Variants in PCDHGA7 observed in about 807,000 individuals in gnomAD.
PCDHGA7 encodes protocadherin gamma-A7.
A neutral mutation model predicts 58.3 loss-of-function variants in PCDHGA7; 44 were observed. The ratio of observed to expected loss-of-function variants is 0.75; its 90% CI spans 0.59 to 0.97. The LOEUF (loss-of-function observed/expected upper bound fraction) is 0.97. Ranked by LOEUF, PCDHGA7 falls within the 50% of genes least tolerant of loss-of-function variation. The pLI, the probability that PCDHGA7 is intolerant of heterozygous loss-of-function variation, is 0.00. For synonymous variants in PCDHGA7, 516 were observed against 504.2 expected (o/e 1.02, Z -0.31); for missense variants, 1,266 against 1,188.7 (o/e 1.06, Z -0.96).
At chr5:141,433,604 G>A (rs2097631609) in intron 1 of PCDHGA7, among the ~76,000 whole-genome samples, 1 of 152,138 alleles carries the variant, frequency 6.6e-6, no homozygotes, top group Non-Finnish European at 1.5e-5. Flanking sequence ...GGGAGGCCGA[G>A]GCGGGTGGAT....
chr5:141,466,552 G>C lies in PCDHGA7; in HGVS notation c.2425-28255G>C, dbSNP rs913019489. On this transcript the variant is annotated intron_variant, in intron 1 of 3. Coordinates refer to ENST00000518325, the MANE Select transcript of PCDHGA7 (RefSeq NM_018920.4). ...ATTGATGTAGATGGTCTTTTGCTGTGGGCTTCATCTTCAACATTGTCTCAT... is the reference window on the plus strand; with the variant it reads ...ATTGATGTAGATGGTCTTTTGCTGTCGGCTTCATCTTCAACATTGTCTCAT... 2.6e-5 allele frequency among the ~76,000 whole-genome samples: 4 copies of C among 152,144 alleles called. No homozygotes were observed. The South Asian group carries it at 8.3e-4, about 32-fold the overall frequency.
At chr5:141,424,928 T>C (rs2096848391) in intron 1 of PCDHGA7, among the ~76,000 whole-genome samples, 1 of 152,204 alleles carries the variant, frequency 6.6e-6, no homozygotes, top group South Asian at 2.1e-4. Flanking sequence ...ATCAATTCAG[T>C]CAACACTCTC....
At chr5:141,421,535 G>GT (rs975619932) in intron 1 of PCDHGA7, 8 of 1,614,032 alleles carry the variant, frequency 5.0e-6, no homozygotes, top group Non-Finnish European at 6.8e-6. Flanking sequence ...GTGTCCTCCT[G>GT]TTTTTTAAAT....
chr5:141,410,835 T>C (rs1360836957), intron 1 of PCDHGA7: 2 of 490,228 alleles, frequency 4.1e-6, no homozygotes, highest in Admixed American at 4.0e-5. Context: ...AGACTGAAGA[T>C]ATTTTGTCTT....
chr5:141,419,742 T>G (rs1388509503), intron 1 of PCDHGA7: 3 of 1,613,742 alleles, frequency 1.9e-6, no homozygotes, highest in Non-Finnish European at 2.5e-6. Flanking sequence ...GAGGTGCGCA[T>G]GGTGCGTGCT....
In PCDHGA7 at chr5:141,423,840, A is replaced by G. The variant is rs189449471; in HGVS notation, c.2424+38517A>G. ...CTTTGCCTTTCATGAGATTACGATA[A>G]TCTTTCAGAACGTTTTTGTGAAAGT... On this transcript the variant is annotated intron_variant, in intron 1 of 3. Coordinates refer to ENST00000518325, the MANE Select transcript of PCDHGA7 (RefSeq NM_018920.4). 1,637 of 1,279,840 alleles carry G rather than the reference A, an allele frequency of 1.3e-3. 3 individuals carry two copies. The highest frequency in any genetic ancestry group is 1.5e-3 in the Non-Finnish European group (1,519 of 1,009,392). 79.3% of individuals were successfully genotyped at this position (1,279,840 alleles called of 1,614,324 possible).
At position 141,432,871 on chromosome 5, in the gene PCDHGA7, C is replaced by T. The variant is rs1190891661; in HGVS notation, c.2424+47548C>T. On this transcript the variant is annotated intron_variant, in intron 1 of 3. Transcript: ENST00000518325. This position sits in a 1 kb window ranked among gnomAD's most constrained non-coding sequence, Gnocchi z 6.0. ...CGGTGGCCGCGGTCTCCTGCGTCTT[C>T]CTGGCCTTCGTCATCTTGCTGCTGG... 1 of 1,614,216 alleles carries T rather than the reference C, an allele frequency of 6.2e-7. No homozygotes were observed. Among genetic ancestry groups the T allele is most frequent in the Non-Finnish European group, 8.5e-7 (1 of 1,180,018 alleles).
intron 1 of PCDHGA7, among the ~76,000 whole-genome samples, chr5:141,455,803 A>C (rs1197986124): frequency 2.6e-5 from 4 of 152,068 alleles, no homozygotes; most frequent in Non-Finnish European, 4.4e-5. Flanking sequence ...TGCTTTAAAA[A>C]ATGAAAACTT....
intron 1 of PCDHGA7, among the ~76,000 whole-genome samples, chr5:141,443,772 C>T (rs1284723564): frequency 6.6e-6 from 1 of 151,568 alleles, no homozygotes; most frequent in Non-Finnish European, 1.5e-5. Context: ...TACAATATTA[C>T]CAAAAAGACA....
At chr5:141,425,805 C>T (rs1419480761) in intron 1 of PCDHGA7, among the ~76,000 whole-genome samples, 1 of 152,158 alleles carries the variant, frequency 6.6e-6, no homozygotes, top group African/African-American at 2.4e-5. Context: ...TGCATTGCTT[C>T]TGCTTAGAAA....
Position 141,392,773 on chromosome 5 carries a change from G to A in PCDHGA7, c.2424+7450G>A, listed in dbSNP as rs767754110. Reference sequence around the variant, plus strand: ...AAGAAACTAAATAAGACCCATTTATGCACAGTGAAGATTCTGAGAGGATTC... The same window carrying A: ...AAGAAACTAAATAAGACCCATTTATACACAGTGAAGATTCTGAGAGGATTC... On this transcript the variant is annotated intron_variant, in intron 1 of 3. Transcript: ENST00000518325. 4 of 1,518,312 alleles carry A rather than the reference G, an allele frequency of 2.6e-6. No homozygotes were observed. In the African/African-American group the frequency reaches 5.6e-5, roughly 21 times the overall value. The allele number at this position is 1,518,312 out of a possible 1,614,324, so 94.1% of individuals were successfully genotyped here.
chr5:141,484,866 C>A (rs1474623432), intron 1 of PCDHGA7: 9 of 275,500 alleles, frequency 3.3e-5, no homozygotes, highest in Non-Finnish European at 5.5e-5. Context: ...GGTGGGGGAG[C>A]GTGGAGGATA....
chr5:141,441,764 C>A, intron 1 of PCDHGA7: 1 of 384,482 alleles, frequency 2.6e-6, no homozygotes, highest in South Asian at 2.1e-5. Flanking sequence ...TGAGCCTGCG[C>A]GTGTTGGTGG....
At chr5:141,395,077 A>C (rs2093162583) in intron 1 of PCDHGA7, 1 of 1,614,024 alleles carries the variant, frequency 6.2e-7, no homozygotes, top group South Asian at 1.1e-5. Context: ...ACCTATTCCC[A>C]GGAAGTCTCC....
At chr5:141,413,855 C>G (rs2095686270) in intron 1 of PCDHGA7, 1 of 1,613,206 alleles carries the variant, frequency 6.2e-7, no homozygotes, top group African/African-American at 1.3e-5. Flanking sequence ...CCTCTCCGAT[C>G]TGGCACTGTC....
At chr5:141,478,338 C>T in intron 1 of PCDHGA7, 2 of 1,613,936 alleles carry the variant, frequency 1.2e-6, no homozygotes, top group South Asian at 1.1e-5. Flanking sequence ...CCAGGGCCCT[C>T]CTTGCACGCG....
At chr5:141,507,932 G>C (rs2099865030) in intron 3 of PCDHGA7, 1 of 152,338 alleles carries the variant, frequency 6.6e-6, no homozygotes, top group Admixed American at 6.5e-5. Context: ...TGCTGAGAGG[G>C]GTTAAGTAAG....
chr5:141,431,126 G>A lies in PCDHGA7; in HGVS notation c.2424+45803G>A, dbSNP rs2097344901. The A allele has an allele frequency of 2.5e-6, 4 of 1,614,114 alleles. No individual in the cohort carries two copies. Among genetic ancestry groups the A allele is most frequent in the Non-Finnish European group, 3.4e-6 (4 of 1,180,038 alleles). On this transcript the variant is annotated intron_variant, in intron 1 of 3. Coordinates refer to ENST00000518325, the MANE Select transcript of PCDHGA7 (RefSeq NM_018920.4). The surrounding 1 kb of genome is among the most constrained non-coding windows in gnomAD (Gnocchi z 4.8). ...GAAAATATATGGAGTAGAAGTAGAA[G>A]TAAGGGACATTAACGACAATGCGCC... is the stretch of plus-strand genomic sequence containing the variant.
At chr5:141,393,459 G>C (rs988813968) in intron 1 of PCDHGA7, 1 of 1,613,928 alleles carries the variant, frequency 6.2e-7, no homozygotes, top group Non-Finnish European at 8.5e-7. Flanking sequence ...CACGGCCTCG[G>C]ATGGCGGCAA....
Sources: allele counts gnomAD v4.1 joint callset (sites outside exome capture counted in the v4.1 genomes callset), GRCh38; gene constraint gnomAD v4.1.1; non-coding constraint Gnocchi (gnomAD v3.1); transcripts MANE v1.5; gene names NCBI Gene and HGNC (gene_info 2026-07-23, HGNC 2026-07-21).